The following IL1RAPL1 variants were observed in gnomAD, a reference collection of about 807,000 sequenced individuals.
IL1RAPL1 encodes the protein interleukin-1 receptor accessory protein-like 1.
A neutral mutation model predicts 48.4 loss-of-function variants in IL1RAPL1; 3 were observed. The ratio of observed to expected loss-of-function variants is 0.06; its 90% CI spans 0.03 to 0.16. The LOEUF is 0.16. Ranked by LOEUF, IL1RAPL1 falls within the 10% of genes least tolerant of loss-of-function variation. IL1RAPL1 has a pLI of 1.00. For missense variants in IL1RAPL1, 349 were observed against 530.6 expected (o/e 0.66, Z 3.36); for synonymous variants, 185 against 187.7 (o/e 0.99, Z 0.12).
rs368813755 is a variant in IL1RAPL1, at chrX:28,638,861, A to G, written c.-25+50814A>G. ...TAAAAAGGGTCCTCCAGGAATTAGA[A>G]TCACTCAAAATTGTAAGTTGTGCCG... On this transcript the variant is annotated intron_variant, in intron 1 of 10. Coordinates refer to ENST00000378993, the MANE Select transcript of IL1RAPL1 (RefSeq NM_014271.4). 7.2e-5 allele frequency among the ~76,000 whole-genome samples: 8 copies of G among 111,151 alleles called. No individual in the cohort carries two copies. In the East Asian group the frequency reaches 2.3e-3, roughly 32 times the overall value.
chrX:29,474,100 C>T (rs909625588), intron 5 of IL1RAPL1, among the ~76,000 whole-genome samples: 1 of 111,875 alleles, frequency 8.9e-6, no homozygotes, highest in Non-Finnish European at 1.9e-5. Flanking sequence ...CTATTCCCAA[C>T]ACAGAAAAGT....
chrX:29,400,352 A>C (rs1387892385), intron 5 of IL1RAPL1, among the ~76,000 whole-genome samples: 1 of 112,490 alleles, frequency 8.9e-6, no homozygotes, highest in Non-Finnish European at 1.9e-5. Flanking sequence ...TATGACATAA[A>C]TTTGCAAAAT....
chrX:28,985,873 A>G (rs1925461642), intron 2 of IL1RAPL1, among the ~76,000 whole-genome samples: 1 of 110,403 alleles, frequency 9.1e-6, no homozygotes, highest in Non-Finnish European at 1.9e-5. Context: ...GTTAGCCAGG[A>G]TGGTCTCGAT....
intron 2 of IL1RAPL1, among the ~76,000 whole-genome samples, chrX:29,159,554 CTG>C (rs753432320): frequency 1.8e-5 from 2 of 111,800 alleles, no homozygotes; most frequent in Non-Finnish European, 3.8e-5. Context: ...CCAGAAATGT[CTG>C]TGAATTTCTG....
At chrX:29,747,486 C>G (rs1248545030) in intron 6 of IL1RAPL1, among the ~76,000 whole-genome samples, 1 of 112,176 alleles carries the variant, frequency 8.9e-6, no homozygotes, top group African/African-American at 3.2e-5. Context: ...ATTGAACACC[C>G]TGAGCTTTCT....
intron 2 of IL1RAPL1, among the ~76,000 whole-genome samples, chrX:29,086,505 G>A (rs1226970801): frequency 9.0e-6 from 1 of 111,666 alleles, no homozygotes; most frequent in Non-Finnish European, 1.9e-5. Flanking sequence ...TGTTTGTCTT[G>A]CTGCCTCACT....
intron 6 of IL1RAPL1, among the ~76,000 whole-genome samples, chrX:29,741,779 G>C (rs992939561): frequency 9.3e-6 from 1 of 107,906 alleles, no homozygotes; most frequent in African/African-American, 3.4e-5. Flanking sequence ...AAATTAGCCG[G>C]GCATGGTGGT....
intron 6 of IL1RAPL1, among the ~76,000 whole-genome samples, chrX:29,868,578 C>T (rs1424830775): frequency 8.9e-6 from 1 of 111,885 alleles, no homozygotes; most frequent in South Asian, 3.7e-4. Flanking sequence ...GTCTGAATCA[C>T]GAACTCAACG....
chrX:28,595,565 C>T lies in IL1RAPL1; in HGVS notation c.-25+7518C>T, dbSNP rs903077500. On this transcript the variant is annotated intron_variant, in intron 1 of 10. Transcript: ENST00000378993. ...CCCTCTAGAGTTACTGGGTAGGGAG[C>T]TGGTAGCATACCTGTATGAAGAAAT... Among the ~76,000 whole-genome samples the T allele has an allele frequency of 6.3e-5, 7 of 111,778 alleles. No individual in the cohort carries two copies. The Admixed American group carries it at 6.7e-4, about 11-fold the overall frequency.
intron 2 of IL1RAPL1, among the ~76,000 whole-genome samples, chrX:29,194,896 G>C (rs1410470035): frequency 9.1e-6 from 1 of 109,481 alleles, no homozygotes; most frequent in Admixed American, 9.9e-5. Context: ...TGCTCCCCTT[G>C]AAGTGGGTCT....
At chrX:29,817,192 T>C (rs1222392914) in intron 6 of IL1RAPL1, among the ~76,000 whole-genome samples, 5 of 111,879 alleles carry the variant, frequency 4.5e-5, no homozygotes, top group Non-Finnish European at 9.4e-5. Flanking sequence ...GTACAATAGC[T>C]TTTGACTTGG....
chrX:29,228,695 T>C (rs1931137661), intron 2 of IL1RAPL1, among the ~76,000 whole-genome samples: 1 of 111,972 alleles, frequency 8.9e-6, no homozygotes, highest in Non-Finnish European at 1.9e-5. Context: ...TCTTTTAATC[T>C]ATAGGTTTCT....
At chrX:29,803,499 ACATATGTG>A (rs1222275826) in intron 6 of IL1RAPL1, among the ~76,000 whole-genome samples, 2,774 of 98,062 alleles carry the variant, frequency 0.028, 112 homozygotes, top group African/African-American at 0.099. Flanking sequence ...ATCTATGTAT[ACATATGTG>A]TATATATGTA....
At chrX:29,251,448 G>A (rs766405016) in intron 2 of IL1RAPL1, among the ~76,000 whole-genome samples, 5 of 111,490 alleles carry the variant, frequency 4.5e-5, no homozygotes, top group Non-Finnish European at 7.5e-5. Context: ...GACCGTGTAT[G>A]CAGGAGTAGG....
intron 1 of IL1RAPL1, among the ~76,000 whole-genome samples, chrX:28,678,546 A>G (rs956255041): frequency 1.8e-5 from 2 of 111,844 alleles, no homozygotes; most frequent in Non-Finnish European, 3.8e-5. Context: ...TTACCTGCTT[A>G]TTTATATTTA....
intron 3 of IL1RAPL1, among the ~76,000 whole-genome samples, chrX:29,333,287 C>G (rs1157326886): frequency 9.1e-6 from 1 of 109,365 alleles, no homozygotes; most frequent in Admixed American, 9.4e-5. Context: ...GCTGACCCCC[C>G]CCACCATCCT....
At chrX:28,796,629 T>C (rs1454011668) in intron 2 of IL1RAPL1, among the ~76,000 whole-genome samples, 1 of 111,721 alleles carries the variant, frequency 9.0e-6, no homozygotes, top group Admixed American at 9.4e-5. Flanking sequence ...AGAGGTGGGT[T>C]CCCATGGTCT....
At chrX:29,911,173 T>G (rs2147233658) in intron 6 of IL1RAPL1, among the ~76,000 whole-genome samples, 1 of 112,038 alleles carries the variant, frequency 8.9e-6, no homozygotes, top group East Asian at 2.8e-4. Flanking sequence ...AATGGGATAT[T>G]ACTGATACAT....
intron 2 of IL1RAPL1, among the ~76,000 whole-genome samples, chrX:29,038,238 C>T (rs1033291048): frequency 1.8e-5 from 2 of 111,708 alleles, no homozygotes; most frequent in African/African-American, 6.5e-5. Context: ...CCTTTGTGGG[C>T]AGCCTGAGAC....
Sources: gnomAD v4.1 joint callset for allele counts (sites outside exome capture counted in the v4.1 genomes callset) on GRCh38, gnomAD v4.1.1 for gene constraint, MANE v1.5 for transcripts, NCBI Gene and HGNC (gene_info 2026-07-23, HGNC 2026-07-21) for gene names.